LNX1: variants seen among roughly 807,000 people sequenced by gnomAD.
LNX1 encodes ligand of numb-protein X 1, also known as E3 ubiquitin-protein ligase LNX.
In LNX1, 54 loss-of-function variants were observed where a neutral mutation model predicts 68.4. That is an observed-to-expected ratio of 0.79 (90% CI 0.63 to 0.99). The LOEUF (loss-of-function observed/expected upper bound fraction) is 0.99, where lower values mean the gene tolerates loss of function less well. Ranked by LOEUF, LNX1 falls within the 50% of genes least tolerant of loss-of-function variation. The probability of loss-of-function intolerance (pLI) is 0.00; values close to 1 mark genes in which losing one functional copy is unlikely to be tolerated. For missense variants in LNX1, 906 were observed against 926.4 expected, an observed-to-expected ratio of 0.98 and a Z score of 0.29; for synonymous variants, 336 against 350.0, an observed-to-expected ratio of 0.96 and a Z score of 0.45.
intron 2 of LNX1, among the ~76,000 whole-genome samples, chr4:53,567,699 A>C (rs994484587): frequency 1.3e-5 from 2 of 152,244 alleles, no homozygotes; most frequent in African/African-American, 4.8e-5. Flanking sequence ...AAATTGATGA[A>C]TCCAGGAGCT....
intron 1 of LNX1, among the ~76,000 whole-genome samples, chr4:53,586,882 T>G (rs577475952): frequency 1.3e-5 from 2 of 152,234 alleles, no homozygotes; most frequent in Admixed American, 1.3e-4. Flanking sequence ...GTGCTGGGTA[T>G]TCAACATGTT....
At chr4:53,601,632 G>A (rs750413963) in intron 2 of LNX1, among the ~76,000 whole-genome samples, 11 of 152,184 alleles carry the variant, frequency 7.2e-5, no homozygotes, top group African/African-American at 1.2e-4. Context: ...ATGTGGCTGC[G>A]GGGGTTTGGC....
chr4:53,617,638 A>G (rs2572287), upstream of LNX1: 63,565 of 151,972 alleles, frequency 0.42, 13,293 homozygotes, highest in Admixed American at 0.45. Context: ...AATGTGTAGA[A>G]ACATGCCCAC....
chr4:53,595,837 T>G (rs1732728078), upstream of LNX1, among the ~76,000 whole-genome samples: 4 of 152,190 alleles, frequency 2.6e-5, no homozygotes, highest in South Asian at 8.3e-4. Context: ...GCCTTGTGAT[T>G]CAGCAGAATT....
At chr4:53,471,072 ACT>A (rs1723135135) in intron 9 of LNX1, among the ~76,000 whole-genome samples, 1 of 31,284 alleles carries the variant, frequency 3.2e-5, no homozygotes, top group Admixed American at 3.4e-4. Context: ...GAGGCATCGC[ACT>A]ACCTGACTTC....
intron 1 of LNX1, among the ~76,000 whole-genome samples, chr4:53,646,371 C>T (rs1287114674): frequency 6.6e-6 from 1 of 152,206 alleles, no homozygotes; most frequent in Non-Finnish European, 1.5e-5. Flanking sequence ...ACCCCATTCT[C>T]AGTCTCTATC....
chr4:53,572,034 A>G (rs1731201421), intron 2 of LNX1, among the ~76,000 whole-genome samples: 1 of 152,190 alleles, frequency 6.6e-6, no homozygotes, highest in African/African-American at 2.4e-5. Flanking sequence ...GCTCCCCAGC[A>G]CAAATGTATA....
At chr4:53,629,957 A>G (rs2109870560) in intron 1 of LNX1, among the ~76,000 whole-genome samples, 1 of 152,286 alleles carries the variant, frequency 6.6e-6, no homozygotes, top group South Asian at 2.1e-4. Flanking sequence ...GTTCCATTGA[A>G]AAGCCAAAAT....
chr4:53,507,197 T>C (rs1725954916), intron 4 of LNX1, 120 bp downstream of exon 4: 1 of 1,052,502 alleles, frequency 9.5e-7, no homozygotes, highest in Admixed American at 2.5e-5. Flanking sequence ...GTAAAAAATA[T>C]TGTATACCCT....
chr4:53,463,900 T>C (rs1722415142), intron 9 of LNX1, among the ~76,000 whole-genome samples: 1 of 152,126 alleles, frequency 6.6e-6, no homozygotes, highest in African/African-American at 2.4e-5. Context: ...GAACTAAGTC[T>C]GCAGACTACA....
chr4:53,587,648 C>A (rs529465743), intron 1 of LNX1, among the ~76,000 whole-genome samples: 5 of 151,914 alleles, frequency 3.3e-5, no homozygotes, highest in African/African-American at 1.2e-4. Context: ...GTATCCTGGT[C>A]AAGAGAGTGA....
At chr4:53,545,691 A>G (rs889759518) in intron 2 of LNX1, among the ~76,000 whole-genome samples, 1 of 152,140 alleles carries the variant, frequency 6.6e-6, no homozygotes, top group African/African-American at 2.4e-5. Context: ...GGTAGGTGCC[A>G]TCATTAAAAC....
intron 1 of LNX1, among the ~76,000 whole-genome samples, chr4:53,626,667 T>C (rs1221407651): frequency 6.6e-6 from 1 of 152,156 alleles, no homozygotes; most frequent in Non-Finnish European, 1.5e-5. Flanking sequence ...CATTCAAAAG[T>C]TATTTCTTTA....
chr4:53,471,275 A>C (rs953981781), intron 9 of LNX1, among the ~76,000 whole-genome samples: 3 of 151,958 alleles, frequency 2.0e-5, no homozygotes, highest in African/African-American at 7.3e-5. Context: ...TGCTGGGAAA[A>C]CTGGCTAGCC....
At chr4:53,461,318 A>G (rs1722065997) in intron 10 of LNX1, 117 bp downstream of exon 10, 2 of 855,116 alleles carry the variant, frequency 2.3e-6, no homozygotes, top group East Asian at 5.0e-5. Context: ...TGCTACGTAC[A>G]TACTTTTAAT....
At chr4:53,595,708 ACAGG>A (rs1732721151), upstream of LNX1, among the ~76,000 whole-genome samples, 1 of 152,120 alleles carries the variant, frequency 6.6e-6, no homozygotes, top group Non-Finnish European at 1.5e-5. Flanking sequence ...ATATATCTTG[ACAGG>A]GAAATCTAAG....
intron 2 of LNX1, among the ~76,000 whole-genome samples, chr4:53,519,790 CCA>C (rs1388343554): frequency 2.0e-5 from 3 of 152,132 alleles, no homozygotes; most frequent in Non-Finnish European, 4.4e-5. Context: ...ATTATTATCC[CCA>C]GTTTGCAAAT....
At chr4:53,631,916 A>T (rs1734290782) in intron 1 of LNX1, among the ~76,000 whole-genome samples, 1 of 151,790 alleles carries the variant, frequency 6.6e-6, no homozygotes, top group Non-Finnish European at 1.5e-5. Context: ...TATAGTTGTT[A>T]GATGTTTGAA....
At chr4:53,579,574 G>C (rs995790220) in intron 1 of LNX1, among the ~76,000 whole-genome samples, 10 of 152,174 alleles carry the variant, frequency 6.6e-5, no homozygotes, top group Middle Eastern at 3.4e-3. Context: ...CAGAGCAAAA[G>C]CCAGTTGGTG....
Sources: allele counts gnomAD v4.1 joint callset (sites outside exome capture counted in the v4.1 genomes callset), GRCh38; gene constraint gnomAD v4.1.1; transcripts MANE v1.5; gene names NCBI Gene and HGNC (gene_info 2026-07-23, HGNC 2026-07-21).